Variants in RGS7 observed in about 807,000 individuals in gnomAD.
The protein encoded by RGS7 is regulator of G-protein signaling 7.
A neutral mutation model predicts 81.1 loss-of-function variants in RGS7; 27 were observed. The observed-to-expected ratio is 0.33, with a 90% CI of 0.25 to 0.46. The LOEUF is 0.46. Ranked by LOEUF, RGS7 falls within the 20% of genes least tolerant of loss-of-function variation. The pLI is 1.00. For synonymous variants in RGS7, 208 were observed against 207.7 expected (o/e 1.00, Z -0.01); for missense variants, 396 against 607.4 (o/e 0.65, Z 3.66).
intron 6 of RGS7, chr1:240,919,857 G>A (rs1673216236): frequency 2.4e-6 from 2 of 830,850 alleles, no homozygotes; most frequent in Non-Finnish European, 4.2e-6. Flanking sequence ...GAATGGGGAT[G>A]TGGCCATGAA....
chr1:241,339,093 T>C (rs2082395040), intron 2 of RGS7, among the ~76,000 whole-genome samples: 1 of 152,206 alleles, frequency 6.6e-6, no homozygotes, highest in Admixed American at 6.5e-5. Flanking sequence ...CCTGTGTCCA[T>C]CTGTTCTCAT....
chr1:240,924,714 C>A (rs1674135849), intron 6 of RGS7, among the ~76,000 whole-genome samples: 1 of 152,066 alleles, frequency 6.6e-6, no homozygotes, highest in African/African-American at 2.4e-5. Context: ...TAATTAAGGT[C>A]TTTTAAGATA....
At chr1:241,234,834 C>T (rs2148086456) in intron 2 of RGS7, among the ~76,000 whole-genome samples, 1 of 151,736 alleles carries the variant, frequency 6.6e-6, no homozygotes, top group Non-Finnish European at 1.5e-5. Flanking sequence ...TGCTAATTTA[C>T]TGCAAAAGGA....
At chr1:240,941,602 G>T (rs901837752) in intron 4 of RGS7, among the ~76,000 whole-genome samples, 3 of 151,892 alleles carry the variant, frequency 2.0e-5, no homozygotes, top group Admixed American at 6.6e-5. Context: ...GTTGAGGTGG[G>T]GCTATTGTAG....
chr1:241,067,519 A>G (rs1003540858), intron 3 of RGS7, among the ~76,000 whole-genome samples: 6 of 76,242 alleles, frequency 7.9e-5, no homozygotes, highest in Non-Finnish European at 7.6e-5. Flanking sequence ...CTACTGAATA[A>G]TGAGATTTTT....
rs556697869 is a variant in RGS7, at chr1:240,828,563, T to A, written c.610-1391A>T. Reference sequence around the variant, plus strand: ...CAGCACTTTGGGAAGCCAAGGTGGATGGATCATGAGGTCAGGAGTTCAAGA... The same window carrying A: ...CAGCACTTTGGGAAGCCAAGGTGGAAGGATCATGAGGTCAGGAGTTCAAGA... On this transcript the variant is annotated intron_variant, in intron 9 of 18. Transcript: ENST00000440928. Among the ~76,000 whole-genome samples, 7 of 152,224 alleles carry A rather than the reference T, an allele frequency of 4.6e-5. No individual in the cohort carries two copies. In the South Asian group the frequency reaches 1.5e-3, roughly 32 times the overall value.
intron 2 of RGS7, among the ~76,000 whole-genome samples, chr1:241,107,660 G>C (rs2065208895): frequency 6.6e-6 from 1 of 152,198 alleles, no homozygotes; most frequent in Non-Finnish European, 1.5e-5. Context: ...TTTGGAGTCT[G>C]TGTTACCCAG....
At chr1:241,052,963 G>C (rs532222841) in intron 3 of RGS7, among the ~76,000 whole-genome samples, 1 of 151,912 alleles carries the variant, frequency 6.6e-6, no homozygotes, top group African/African-American at 2.4e-5. Flanking sequence ...ACATATACTT[G>C]ACTAAGTTCT....
chr1:240,985,660 G>A (rs10802917), intron 3 of RGS7, among the ~76,000 whole-genome samples: 64,874 of 151,702 alleles, frequency 0.43, 15,367 homozygotes, highest in East Asian at 0.67. Flanking sequence ...GATCGCCCCA[G>A]CATATTTATG....
chr1:240,930,274 C>A (rs1675199350), intron 6 of RGS7, among the ~76,000 whole-genome samples: 1 of 146,692 alleles, frequency 6.8e-6, no homozygotes. Context: ...TTAACACAAC[C>A]CTCCACCTAT....
chr1:241,026,061 T>C (rs1558614757), intron 3 of RGS7, among the ~76,000 whole-genome samples: 2 of 152,204 alleles, frequency 1.3e-5, no homozygotes, highest in East Asian at 1.9e-4. Context: ...AACTTCTCCA[T>C]AGCACTCAAC....
At chr1:240,854,309 T>C (rs968997187) in intron 9 of RGS7, among the ~76,000 whole-genome samples, 1 of 152,240 alleles carries the variant, frequency 6.6e-6, no homozygotes, top group Non-Finnish European at 1.5e-5. Flanking sequence ...TCTCCCCTCT[T>C]GGTCATCTAT....
rs565255537 is a variant in RGS7 at position 241,339,279 on chromosome 1, A to G, written c.78+16420T>C. On this transcript the variant is annotated intron_variant, in intron 2 of 18. Transcript: ENST00000440928. ...TATACACACCACACTTTCTTTATCC[A>G]GTCTATCACTGATGGGCATTTGGGT... is the stretch of plus-strand genomic sequence containing the variant. Among the ~76,000 whole-genome samples the G allele has an allele frequency of 5.9e-5, 9 of 152,248 alleles. No individual in the cohort carries two copies. In the East Asian group the frequency reaches 1.7e-3, roughly 29 times the overall value.
At chr1:241,027,452 A>G (rs2059850037) in intron 3 of RGS7, among the ~76,000 whole-genome samples, 1 of 152,196 alleles carries the variant, frequency 6.6e-6, no homozygotes, top group Non-Finnish European at 1.5e-5. Context: ...TTTTTAAAAG[A>G]TGACTTTGGC....
intron 3 of RGS7, among the ~76,000 whole-genome samples, chr1:241,062,734 C>G (rs1448108941): frequency 6.6e-6 from 1 of 152,168 alleles, no homozygotes; most frequent in Non-Finnish European, 1.5e-5. Flanking sequence ...GCTCCTTAAC[C>G]CACTTATCCT....
At chr1:241,130,927 C>CA (rs11365447) in intron 2 of RGS7, among the ~76,000 whole-genome samples, 18,536 of 90,050 alleles carry the variant, frequency 0.21, 1,378 homozygotes, top group Middle Eastern at 0.29. Flanking sequence ...GGCTTAATTA[C>CA]AAAAAAAAAA....
At chr1:240,975,241 A>C (rs549872349) in intron 4 of RGS7, among the ~76,000 whole-genome samples, 243 of 152,220 alleles carry the variant, frequency 1.6e-3, no homozygotes, top group Non-Finnish European at 2.6e-3. Flanking sequence ...ATCTCTACTA[A>C]AAATATAAAA....
At chr1:241,355,602 A>C (rs919852161) in intron 2 of RGS7, 97 bp downstream of exon 2, 2 of 1,045,252 alleles carry the variant, frequency 1.9e-6, no homozygotes, top group African/African-American at 3.1e-5. Flanking sequence ...GGAAATCCAC[A>C]AGGCCACAAA....
chr1:241,296,209 A>G (rs774699397), intron 2 of RGS7, among the ~76,000 whole-genome samples: 7 of 151,662 alleles, frequency 4.6e-5, no homozygotes, highest in Non-Finnish European at 7.4e-5. Context: ...AGGGATGCAC[A>G]TAAGACAGAA....
Sources: allele counts gnomAD v4.1 joint callset (sites outside exome capture counted in the v4.1 genomes callset), GRCh38; gene constraint gnomAD v4.1.1; transcripts MANE v1.5; gene names NCBI Gene and HGNC (gene_info 2026-07-23, HGNC 2026-07-21).